FGF1: variants seen among roughly 807,000 people sequenced by gnomAD.
FGF1 encodes the protein fibroblast growth factor 1.
FGF1 carries 9 observed loss-of-function variants against 13.4 expected under a neutral mutation model. That is an observed-to-expected ratio of 0.67 (90% CI 0.40 to 1.17). The LOEUF is 1.17. Ranked by LOEUF, FGF1 falls within the 50% of genes most tolerant of loss-of-function variation. FGF1 has a pLI of 0.01. For synonymous variants in FGF1, 93 were observed against 79.0 expected, an observed-to-expected ratio of 1.18 and a Z score of -0.94; for missense variants, 156 against 192.7, an observed-to-expected ratio of 0.81 and a Z score of 1.13.
intron 1 of FGF1, among the ~76,000 whole-genome samples, chr5:142,678,015 G>A (rs1356195813): frequency 6.6e-6 from 1 of 152,266 alleles, no homozygotes; most frequent in South Asian, 2.1e-4. Flanking sequence ...AAGAACTGGG[G>A]GGAAAGCATC....
At chr5:142,693,794 T>G (rs1010660968) in intron 2 of FGF1, among the ~76,000 whole-genome samples, 2 of 152,142 alleles carry the variant, frequency 1.3e-5, no homozygotes, top group African/African-American at 4.8e-5. Flanking sequence ...AACATGAGCA[T>G]TTTTCCTTTA....
upstream of FGF1, among the ~76,000 whole-genome samples, chr5:142,688,378 T>C (rs1751604402): frequency 6.6e-6 from 1 of 152,250 alleles, no homozygotes; most frequent in Non-Finnish European, 1.5e-5. Flanking sequence ...TCTGGAGACA[T>C]GATCATGTGA....
chr5:142,678,667 T>C (rs1773114618), intron 1 of FGF1, among the ~76,000 whole-genome samples: 1 of 152,182 alleles, frequency 6.6e-6, no homozygotes, highest in African/African-American at 2.4e-5. Flanking sequence ...ATAAATCACC[T>C]TCTGAATGCA....
intron 1 of FGF1, among the ~76,000 whole-genome samples, chr5:142,648,642 A>T (rs113512905): frequency 1.1e-4 from 17 of 150,728 alleles, no homozygotes; most frequent in African/African-American, 3.9e-4. Context: ...TGTATCCCAG[A>T]ACTTAAAGTA....
At chr5:142,633,633 C>T (rs1433723609) in intron 1 of FGF1, among the ~76,000 whole-genome samples, 4 of 152,202 alleles carry the variant, frequency 2.6e-5, no homozygotes, top group South Asian at 2.1e-4. Context: ...TGACTCTTGC[C>T]GGAGTCCAGT....
At chr5:142,678,415 G>A (rs957615569) in intron 1 of FGF1, among the ~76,000 whole-genome samples, 2 of 152,160 alleles carry the variant, frequency 1.3e-5, no homozygotes, top group Non-Finnish European at 2.9e-5. Context: ...GCCTCGGAAT[G>A]GAGTCATTCA....
chr5:142,650,863 G>A (rs1294867557), intron 1 of FGF1, among the ~76,000 whole-genome samples: 1 of 152,124 alleles, frequency 6.6e-6, no homozygotes, highest in East Asian at 1.9e-4. Flanking sequence ...ATGCATTCAG[G>A]AGGGACATGG....
At chr5:142,694,539 C>T (rs1489820833) in intron 2 of FGF1, among the ~76,000 whole-genome samples, 2 of 152,154 alleles carry the variant, frequency 1.3e-5, no homozygotes, top group African/African-American at 2.4e-5. Context: ...ACAGATGGTA[C>T]AAGAAATCAC....
At chr5:142,612,848 T>G (rs1759369795) in intron 2 of FGF1, among the ~76,000 whole-genome samples, 1 of 152,192 alleles carries the variant, frequency 6.6e-6, no homozygotes, top group Admixed American at 6.5e-5. Context: ...CCTGTGCATC[T>G]GAGGGTACAG....
At chr5:142,639,793 T>C (rs186968589) in intron 1 of FGF1, among the ~76,000 whole-genome samples, 19 of 152,120 alleles carry the variant, frequency 1.2e-4, no homozygotes, top group Admixed American at 3.3e-4. Flanking sequence ...ATAGTAATCA[T>C]TTCACAATGG....
intron 1 of FGF1, among the ~76,000 whole-genome samples, chr5:142,647,927 T>C (rs1766464344): frequency 6.6e-6 from 1 of 152,064 alleles, no homozygotes; most frequent in Non-Finnish European, 1.5e-5. Context: ...ATACTAAAAG[T>C]ACAAAAGATT....
chr5:142,615,157 G>A (rs1411037073), intron 1 of FGF1, among the ~76,000 whole-genome samples: 8 of 151,858 alleles, frequency 5.3e-5, no homozygotes, highest in Non-Finnish European at 4.4e-5. Flanking sequence ...AGGAAGTGCT[G>A]GTGACTCTAA....
chr5:142,624,749 T>A (rs891802398), intron 1 of FGF1, among the ~76,000 whole-genome samples: 3 of 152,058 alleles, frequency 2.0e-5, no homozygotes, highest in Non-Finnish European at 4.4e-5. Flanking sequence ...GCTGTAGACA[T>A]CCTGGAAATT....
chr5:142,667,996 C>T (rs1770756998), intron 1 of FGF1, among the ~76,000 whole-genome samples: 1 of 152,238 alleles, frequency 6.6e-6, no homozygotes, highest in South Asian at 2.1e-4. Context: ...CACCCCTGCT[C>T]ACAAAGGCAG....
At chr5:142,673,931 G>A (rs117799010) in intron 1 of FGF1, among the ~76,000 whole-genome samples, 135 of 152,260 alleles carry the variant, frequency 8.9e-4, no homozygotes, top group East Asian at 8.5e-3. Flanking sequence ...GTCTTTGCAT[G>A]CCTCACCAGC....
At position 142,593,327 on chromosome 5, in the gene FGF1, T is replaced by G. The variant is rs1754631694; in HGVS notation, c.*1963A>C. On this transcript the variant is annotated 3_prime_UTR_variant, in exon 4 of 4. Coordinates refer to ENST00000337706, the MANE Select transcript of FGF1 (RefSeq NM_000800.5). ...AAAGATTTACTAAAATAAAACAGAT[T>G]GATCTTATCCAAGTAACAAAAACAA... 1.3e-5 allele frequency: 2 copies of G among 152,240 alleles called. No homozygotes were observed. Among genetic ancestry groups the G allele is most frequent in the African/African-American group, 4.8e-5 (2 of 41,472 alleles). 9.4% of individuals were successfully genotyped at this position (152,240 alleles called of 1,614,324 possible).
At chr5:142,622,621 A>G (rs1340295179) in intron 1 of FGF1, among the ~76,000 whole-genome samples, 1 of 152,238 alleles carries the variant, frequency 6.6e-6, no homozygotes, top group African/African-American at 2.4e-5. Context: ...AACTTATCTA[A>G]CCAAGAAAAA....
chr5:142,664,903 C>T lies in FGF1; in HGVS notation c.-35+21054G>A, dbSNP rs1023165665. The stretch of plus-strand genomic sequence containing the variant: ...AATGGAGATTACAGTATTACCTAAA[C>T]TCATAGGGTTATTTTGAGGATAAAA... On this transcript the variant is annotated intron_variant, in intron 1 of 3. Transcript: ENST00000337706. 2.6e-5 allele frequency among the ~76,000 whole-genome samples: 4 copies of T among 152,250 alleles called. No individual in the cohort carries two copies. In the South Asian group the frequency reaches 6.2e-4, roughly 24 times the overall value.
intron 1 of FGF1, among the ~76,000 whole-genome samples, chr5:142,648,166 G>T (rs116579030): frequency 6.6e-6 from 1 of 152,108 alleles, no homozygotes; most frequent in Non-Finnish European, 1.5e-5. Flanking sequence ...TTCTCAGCTT[G>T]TACTGTGTTC....
Sources: gnomAD v4.1 joint callset for allele counts (sites outside exome capture counted in the v4.1 genomes callset) on GRCh38, gnomAD v4.1.1 for gene constraint, MANE v1.5 for transcripts, NCBI Gene and HGNC (gene_info 2026-07-23, HGNC 2026-07-21) for gene names.